Variants in CTNNA3 observed in about 807,000 individuals in gnomAD.
CTNNA3 encodes the protein catenin alpha-3.
In CTNNA3, 76 loss-of-function variants were observed where a neutral mutation model predicts 95.7. That is an observed-to-expected ratio of 0.79 (90% confidence interval 0.66 to 0.96). The LOEUF (loss-of-function observed/expected upper bound fraction) is 0.96. Ranked by LOEUF, CTNNA3 falls within the 40% of genes least tolerant of loss-of-function variation. The pLI, the probability that CTNNA3 is intolerant of heterozygous loss-of-function variation, is 0.00. For missense variants in CTNNA3, 1,191 were observed against 1,089.8 expected (o/e 1.09, Z -1.31); for synonymous variants, 431 against 374.4 (o/e 1.15, Z -1.74).
At chr10:66,001,513 G>T (rs1430571765) in intron 15 of CTNNA3, among the ~76,000 whole-genome samples, 1 of 152,150 alleles carries the variant, frequency 6.6e-6, no homozygotes, top group Non-Finnish European at 1.5e-5. Flanking sequence ...TCCCAGGACT[G>T]CCACTGATTA....
chr10:66,667,061 T>C (rs946242082), intron 9 of CTNNA3, among the ~76,000 whole-genome samples: 1 of 152,162 alleles, frequency 6.6e-6, no homozygotes, highest in African/African-American at 2.4e-5. Flanking sequence ...ATTGAGTTTA[T>C]AGTCAAGCAC....
chr10:66,644,460 T>C (rs1045443102), intron 9 of CTNNA3, among the ~76,000 whole-genome samples: 1 of 103,732 alleles, frequency 9.6e-6, no homozygotes, highest in Non-Finnish European at 1.8e-5. Context: ...CAAATATGTA[T>C]ATATATATAT....
intron 9 of CTNNA3, among the ~76,000 whole-genome samples, chr10:66,731,034 A>G (rs1848943774): frequency 6.6e-6 from 1 of 152,204 alleles, no homozygotes; most frequent in African/African-American, 2.4e-5. Context: ...TTGGATAATT[A>G]TTATGGATCA....
chr10:66,826,822 A>G (rs1842533289), intron 7 of CTNNA3, among the ~76,000 whole-genome samples: 1 of 152,182 alleles, frequency 6.6e-6, no homozygotes, highest in East Asian at 1.9e-4. Context: ...ATTATATGTC[A>G]TGGAGTAGTC....
intron 15 of CTNNA3, among the ~76,000 whole-genome samples, chr10:66,027,926 G>A (rs1438689341): frequency 6.6e-6 from 1 of 152,100 alleles, no homozygotes; most frequent in African/African-American, 2.4e-5. Context: ...CACAAATGTT[G>A]ACAATGACAG....
intron 15 of CTNNA3, among the ~76,000 whole-genome samples, chr10:66,032,087 TA>T (rs1336814080): frequency 1.3e-5 from 2 of 152,156 alleles, no homozygotes; most frequent in African/African-American, 4.8e-5. Flanking sequence ...GTAGCTAAAG[TA>T]GTCATATCTT....
intron 6 of CTNNA3, among the ~76,000 whole-genome samples, chr10:67,192,808 C>T (rs1863178351): frequency 6.6e-6 from 1 of 151,842 alleles, no homozygotes; most frequent in Non-Finnish European, 1.5e-5. Context: ...ACATTCATTC[C>T]ATCATTATCA....
chr10:66,719,755 T>C (rs1848567166), intron 9 of CTNNA3, among the ~76,000 whole-genome samples: 1 of 152,182 alleles, frequency 6.6e-6, no homozygotes, highest in Non-Finnish European at 1.5e-5. Flanking sequence ...TGCAAATATA[T>C]GCCTCCCAGA....
At position 66,971,900 on chromosome 10, in the gene CTNNA3, CT is replaced by C. The variant is rs886687417; in HGVS notation, c.1048-196377del. Among the ~76,000 whole-genome samples, 34 of 148,762 alleles carry C rather than the reference CT, an allele frequency of 2.3e-4. No homozygotes were observed. The East Asian group carries it at 3.1e-3, about 14-fold the overall frequency. The stretch of plus-strand genomic sequence containing the variant: ...TTTTTCAACAAGGTCAGAGCATATT[CT>C]TTTTTTTTTAAACATGCTAATGTAC... On this transcript the variant is annotated intron_variant, in intron 7 of 17. Coordinates refer to ENST00000433211, the MANE Select transcript of CTNNA3 (RefSeq NM_013266.4).
chr10:67,207,283 GA>G (rs1322985635), intron 6 of CTNNA3, among the ~76,000 whole-genome samples: 1 of 152,018 alleles, frequency 6.6e-6, no homozygotes, highest in Non-Finnish European at 1.5e-5. Context: ...TCATAATTCA[GA>G]CATAGTGATA....
intron 4 of CTNNA3, among the ~76,000 whole-genome samples, chr10:67,528,385 C>T (rs73268110): frequency 1.3e-4 from 20 of 152,238 alleles, no homozygotes; most frequent in African/African-American, 4.8e-4. Context: ...AACTTTGTAA[C>T]TTAGCACATA....
At chr10:67,539,142 G>T (rs1364736505) in intron 4 of CTNNA3, among the ~76,000 whole-genome samples, 2 of 151,770 alleles carry the variant, frequency 1.3e-5, no homozygotes, top group African/African-American at 4.8e-5. Context: ...TCAACTTTAA[G>T]GTTTCTATTT....
chr10:67,058,503 A>C (rs1855571021), intron 7 of CTNNA3, among the ~76,000 whole-genome samples: 1 of 152,212 alleles, frequency 6.6e-6, no homozygotes. Flanking sequence ...TGAAAGAAAT[A>C]TCTTTGGCCC....
chr10:67,120,847 A>G (rs1317517999), intron 7 of CTNNA3, among the ~76,000 whole-genome samples: 1 of 152,078 alleles, frequency 6.6e-6, no homozygotes, highest in African/African-American at 2.4e-5. Flanking sequence ...TTATTCTACT[A>G]CGTGGAGAAA....
At chr10:66,166,476 G>C (rs114829521) in intron 13 of CTNNA3, among the ~76,000 whole-genome samples, 5,280 of 147,590 alleles carry the variant, frequency 0.036, 315 homozygotes, top group African/African-American at 0.12. Flanking sequence ...TCCATCCTGG[G>C]GGACAGAGTG....
At chr10:66,841,241 G>A (rs938107674) in intron 7 of CTNNA3, among the ~76,000 whole-genome samples, 2 of 151,980 alleles carry the variant, frequency 1.3e-5, no homozygotes, top group East Asian at 1.9e-4. Context: ...ACTTACAAAC[G>A]GTGTAACTGC....
At chr10:67,447,099 C>T (rs138905517) in intron 5 of CTNNA3, among the ~76,000 whole-genome samples, 30 of 152,144 alleles carry the variant, frequency 2.0e-4, no homozygotes, top group South Asian at 1.9e-3. Flanking sequence ...AGAGAGACTC[C>T]GTCTCAAAAA....
chr10:67,639,482 G>A (rs867141310), intron 2 of CTNNA3, among the ~76,000 whole-genome samples: 5 of 152,172 alleles, frequency 3.3e-5, no homozygotes, highest in Non-Finnish European at 1.5e-5. Context: ...CAGAAAAAGA[G>A]GGAATCCTCC....
chr10:66,401,541 A>ACT, intron 11 of CTNNA3, among the ~76,000 whole-genome samples: 1 of 151,826 alleles, frequency 6.6e-6, no homozygotes, highest in African/African-American at 2.4e-5. Flanking sequence ...ACACACACAC[A>ACT]CACACACACA....
Sources: allele counts gnomAD v4.1 joint callset (sites outside exome capture counted in the v4.1 genomes callset), GRCh38; gene constraint gnomAD v4.1.1; transcripts MANE v1.5; gene names NCBI Gene and HGNC (gene_info 2026-07-23, HGNC 2026-07-21).